Variants in SLC5A4 observed in about 807,000 individuals in gnomAD.
SLC5A4 encodes the protein solute carrier family 5 member 4, also known as probable glucose sensor protein SLC5A4.
A neutral mutation model predicts 70.3 loss-of-function variants in SLC5A4; 55 were observed. The observed-to-expected ratio is 0.78, with a 90% CI of 0.63 to 0.98. The LOEUF (loss-of-function observed/expected upper bound fraction) is 0.98, where lower values mean the gene tolerates loss of function less well. Ranked by LOEUF, SLC5A4 falls within the 50% of genes least tolerant of loss-of-function variation. SLC5A4 has a pLI of 0.00. For missense variants in SLC5A4, 735 were observed against 839.2 expected (o/e 0.88, Z 1.53); for synonymous variants, 268 against 305.7 (o/e 0.88, Z 1.29).
At chr22:32,326,819 C>G in the SLC5A4 span, among the ~76,000 whole-genome samples, 1 of 152,126 alleles carries the variant, frequency 6.6e-6, no homozygotes, top group Non-Finnish European at 1.5e-5. Flanking sequence ...GTGAGAAAGG[C>G]AGGAGGCTCA....
chr22:32,248,247 A>T (rs1926944869), intron 4 of SLC5A4, among the ~76,000 whole-genome samples: 1 of 152,230 alleles, frequency 6.6e-6, no homozygotes, highest in Non-Finnish European at 1.5e-5. Flanking sequence ...GAACTGGCCC[A>T]GTTGTCCCAT....
At chr22:32,263,510 C>T in the SLC5A4 span, among the ~76,000 whole-genome samples, 3 of 152,250 alleles carry the variant, frequency 2.0e-5, no homozygotes, top group Non-Finnish European at 2.9e-5. Context: ...TACCATTTCA[C>T]GCCAGTTAGA....
At chr22:32,334,990 G>A in the SLC5A4 span, among the ~76,000 whole-genome samples, 3 of 152,204 alleles carry the variant, frequency 2.0e-5, no homozygotes, top group African/African-American at 4.8e-5. Context: ...GAGAAGGGAC[G>A]CTCCGCAGTG....
At chr22:32,269,869 T>A in the SLC5A4 span, 2 of 599,250 alleles carry the variant, frequency 3.3e-6, no homozygotes, top group Non-Finnish European at 6.5e-6. This position sits in a 1 kb window ranked among gnomAD's most constrained non-coding sequence, Gnocchi z 4.1. Context: ...ACCGATGGCA[T>A]GCGTAGCGTC....
intron 2 of SLC5A4, among the ~76,000 whole-genome samples, chr22:32,252,357 G>A (rs991581739): frequency 1.3e-5 from 2 of 152,066 alleles, no homozygotes; most frequent in African/African-American, 4.8e-5. Flanking sequence ...AATGGCCCAC[G>A]AGCCAAGAAT....
intron 13 of SLC5A4, 50 bp from the exon 14 acceptor site, chr22:32,221,072 A>G: frequency 8.6e-7 from 1 of 1,158,706 alleles, no homozygotes; most frequent in Non-Finnish European, 1.3e-6. Flanking sequence ...AATGTTTGCA[A>G]TAGTATAATA....
the SLC5A4 span, among the ~76,000 whole-genome samples, chr22:32,264,379 C>G: frequency 2.0e-5 from 3 of 151,882 alleles, no homozygotes; most frequent in Non-Finnish European, 4.4e-5. Flanking sequence ...TCTAGACCAG[C>G]CAGGGCAACA....
the SLC5A4 span, among the ~76,000 whole-genome samples, chr22:32,264,219 G>A: frequency 2.0e-5 from 3 of 151,700 alleles, no homozygotes; most frequent in South Asian, 4.2e-4. Flanking sequence ...AGAAATTGTC[G>A]TGAGACCACT....
At chr22:32,305,235 T>C in the SLC5A4 span, among the ~76,000 whole-genome samples, 2 of 151,762 alleles carry the variant, frequency 1.3e-5, no homozygotes, top group African/African-American at 4.9e-5. Flanking sequence ...GGGTTTCAGA[T>C]GTGATTTTAT....
chr22:32,247,738 A>G (rs1926916021), intron 4 of SLC5A4, among the ~76,000 whole-genome samples: 1 of 152,160 alleles, frequency 6.6e-6, no homozygotes, highest in Non-Finnish European at 1.5e-5. Context: ...GGACCCCCCC[A>G]TGGATAACTC....
chr22:32,286,389 T>TC, the SLC5A4 span, among the ~76,000 whole-genome samples: 2 of 152,216 alleles, frequency 1.3e-5, no homozygotes, highest in Non-Finnish European at 2.9e-5. Context: ...TTCCATGACA[T>TC]TCACTGCAGG....
intron 11 of SLC5A4, among the ~76,000 whole-genome samples, chr22:32,226,240 A>G (rs1464833703): frequency 1.3e-5 from 2 of 152,210 alleles, no homozygotes; most frequent in Non-Finnish European, 2.9e-5. Flanking sequence ...TGGTTTGCAT[A>G]GGTTAGAATG....
chr22:32,309,844 G>T, the SLC5A4 span, among the ~76,000 whole-genome samples: 1 of 151,652 alleles, frequency 6.6e-6, no homozygotes, highest in Non-Finnish European at 1.5e-5. Flanking sequence ...GGAGGGTGCT[G>T]TGGCTGGCTG....
At chr22:32,304,093 C>T in the SLC5A4 span, among the ~76,000 whole-genome samples, 1 of 152,146 alleles carries the variant, frequency 6.6e-6, no homozygotes, top group Non-Finnish European at 1.5e-5. Context: ...TGTGTATCTT[C>T]TTTGGTCTTT....
the SLC5A4 span, chr22:32,272,179 T>C: frequency 4.1e-6 from 3 of 733,250 alleles, no homozygotes; most frequent in Admixed American, 1.9e-5. Context: ...ACCTGCCTCA[T>C]GCAGGAGGAG....
the SLC5A4 span, among the ~76,000 whole-genome samples, chr22:32,280,974 C>G: frequency 2.0e-5 from 3 of 152,180 alleles, no homozygotes; most frequent in Admixed American, 6.5e-5. Flanking sequence ...GCCCCAGTCT[C>G]TCAACAGTTC....
rs549596997 is a variant in SLC5A4, at chr22:32,225,277, C to T, written c.1449+378G>A. On this transcript the variant is annotated intron_variant, in intron 12 of 14. Coordinates refer to ENST00000266086, the MANE Select transcript of SLC5A4 (RefSeq NM_014227.3). Reference sequence around the variant, plus strand: ...TTCACATATTTTATCTCACTTAATACTCACCACAATCCCATAGAATAGGTG... The same window carrying T: ...TTCACATATTTTATCTCACTTAATATTCACCACAATCCCATAGAATAGGTG... Among the ~76,000 whole-genome samples the T allele has an allele frequency of 5.9e-5, 9 of 152,288 alleles. No individual in the cohort carries two copies. The South Asian group carries it at 1.9e-3, about 32-fold the overall frequency.
chr22:32,297,205 T>C, the SLC5A4 span, among the ~76,000 whole-genome samples: 2 of 150,542 alleles, frequency 1.3e-5, no homozygotes, highest in Non-Finnish European at 3.0e-5. Context: ...TTTCTATTGA[T>C]TGGAATAGTT....
chr22:32,219,868 A>G (rs1924976436), intron 14 of SLC5A4, among the ~76,000 whole-genome samples: 1 of 152,158 alleles, frequency 6.6e-6, no homozygotes, highest in Middle Eastern at 3.2e-3. Flanking sequence ...GCATAGATGG[A>G]TAAGTAGACA....
Sources: allele counts gnomAD v4.1 joint callset (sites outside exome capture counted in the v4.1 genomes callset), GRCh38; gene constraint gnomAD v4.1.1; non-coding constraint Gnocchi (gnomAD v3.1); transcripts MANE v1.5; gene names NCBI Gene and HGNC (gene_info 2026-07-23, HGNC 2026-07-21).